The following PTPRD variants were observed in gnomAD, a reference collection of about 807,000 sequenced individuals.
The protein encoded by PTPRD is protein tyrosine phosphatase receptor type D, also known as receptor-type tyrosine-protein phosphatase delta.
In PTPRD, 34 loss-of-function variants were observed where a neutral mutation model predicts 214.5. The observed-to-expected ratio is 0.16, with a 90% CI of 0.12 to 0.21. The LOEUF (loss-of-function observed/expected upper bound fraction) is 0.21. PTPRD is among the 10% of genes least tolerant of loss of function. The pLI, the probability that PTPRD is intolerant of heterozygous loss-of-function variation, is 1.00. For missense variants in PTPRD, 2,545 were observed against 2,398.7 expected (o/e 1.06, Z -1.27); for synonymous variants, 1,128 against 845.7 (o/e 1.33, Z -5.79).
At chr9:8,608,535 ACT>A (rs1564688357) in intron 14 of PTPRD, among the ~76,000 whole-genome samples, 1 of 151,854 alleles carries the variant, frequency 6.6e-6, no homozygotes, top group African/African-American at 2.4e-5. Flanking sequence ...CCACTCAGAG[ACT>A]CTCAGTGTCT....
At chr9:9,832,442 A>G (rs2055196435) in intron 5 of PTPRD, among the ~76,000 whole-genome samples, 1 of 152,040 alleles carries the variant, frequency 6.6e-6, no homozygotes, top group African/African-American at 2.4e-5. Flanking sequence ...TGTAACAGTC[A>G]TAGTCATTTA....
chr9:9,232,485 G>A (rs556000706), intron 9 of PTPRD, among the ~76,000 whole-genome samples: 5 of 152,096 alleles, frequency 3.3e-5, no homozygotes, highest in Admixed American at 2.0e-4. Context: ...ACAAGTACAC[G>A]ATTCCATCAA....
chr9:8,695,575 C>T (rs1429472062), intron 12 of PTPRD, among the ~76,000 whole-genome samples: 2 of 151,916 alleles, frequency 1.3e-5, no homozygotes, highest in Non-Finnish European at 2.9e-5. Context: ...GAGTCATTCT[C>T]ATTGGTAGGT....
At position 8,460,485 on chromosome 9, in the gene PTPRD, C is replaced by T. The variant is rs2096366187; in HGVS notation, c.3801G>A (p.Leu1267=). 1 of 1,613,574 alleles carries T rather than the reference C, an allele frequency of 6.2e-7. No individual in the cohort carries two copies. The highest frequency in any genetic ancestry group is 8.5e-7 in the Non-Finnish European group (1 of 1,179,690). The change falls in exon 33 of 46, where the codon TTG becomes TTA. Residue 1267 remains leucine (L), a synonymous_variant. Coordinates refer to ENST00000381196, the MANE Select transcript of PTPRD (RefSeq NM_002839.4). ...CAAGGACAGGACCTACAACCCAGAT[C>T]AAGCCTTCTTCTTCATCCGTGATTG... The part of the protein sequence containing the change: ...PQPITDEEEG[L]IWVVGPVLAV...
intron 36 of PTPRD, 99 bp from the exon 37 acceptor site, chr9:8,389,506 C>T (rs568413560): frequency 5.8e-6 from 5 of 856,558 alleles, no homozygotes; most frequent in South Asian, 4.1e-5. Context: ...TGTTCCACCT[C>T]ACACTAGAGA....
chr9:9,780,369 A>G (rs1051772759), intron 5 of PTPRD, among the ~76,000 whole-genome samples: 6 of 152,210 alleles, frequency 3.9e-5, no homozygotes, highest in African/African-American at 1.4e-4. Flanking sequence ...CCCTGTATTT[A>G]AAATAAAAGT....
chr9:8,836,283 T>C (rs10124428), intron 11 of PTPRD, among the ~76,000 whole-genome samples: 73,435 of 151,918 alleles, frequency 0.48, 18,397 homozygotes, highest in African/African-American at 0.62. Flanking sequence ...TAAGAGAACA[T>C]TGACAAAGCA....
intron 4 of PTPRD, among the ~76,000 whole-genome samples, chr9:10,006,747 C>T (rs1567048356): frequency 6.6e-6 from 1 of 151,828 alleles, no homozygotes; most frequent in East Asian, 1.9e-4. Flanking sequence ...TTGCTCCAGC[C>T]TATCAATGAA....
In PTPRD at chr9:10,526,888, G is replaced by C. The variant is rs1468412240; in HGVS notation, c.-600+85510C>G. Among the ~76,000 whole-genome samples, 8 of 152,186 alleles carry C rather than the reference G, an allele frequency of 5.3e-5. No individual in the cohort carries two copies. The East Asian group carries it at 1.5e-3, about 29-fold the overall frequency. On this transcript the variant is annotated intron_variant, in intron 2 of 45. Coordinates refer to ENST00000381196, the MANE Select transcript of PTPRD (RefSeq NM_002839.4). ...GCATAATATGTGTCTGTGAGGAAAAGCTTCATTATCTATGTGTTCATCCTC... is the reference window on the plus strand; with the variant it reads ...GCATAATATGTGTCTGTGAGGAAAACCTTCATTATCTATGTGTTCATCCTC...
At chr9:8,793,108 T>A (rs948831615) in intron 11 of PTPRD, among the ~76,000 whole-genome samples, 3 of 152,226 alleles carry the variant, frequency 2.0e-5, no homozygotes, top group African/African-American at 7.2e-5. Flanking sequence ...TGGTTGGCCC[T>A]CAATTATCCC....
intron 10 of PTPRD, among the ~76,000 whole-genome samples, chr9:9,161,730 A>C (rs929071959): frequency 3.3e-5 from 5 of 152,142 alleles, no homozygotes; most frequent in African/African-American, 1.2e-4. Flanking sequence ...AATTATAGAT[A>C]CATTTAAAAT....
chr9:9,951,136 G>A (rs1291034805), intron 4 of PTPRD, among the ~76,000 whole-genome samples: 1 of 152,098 alleles, frequency 6.6e-6, no homozygotes, highest in East Asian at 1.9e-4. Flanking sequence ...GGTGAAATAT[G>A]TATATGTAGC....
At chr9:8,389,207 GA>G in intron 37 of PTPRD, 24 bp downstream of exon 37, 6 of 1,576,612 alleles carry the variant, frequency 3.8e-6, no homozygotes, top group Non-Finnish European at 5.2e-6. Context: ...TTTTTAAAAG[GA>G]AAGAGGTGGA....
intron 9 of PTPRD, among the ~76,000 whole-genome samples, chr9:9,349,381 C>G (rs1490783016): frequency 6.6e-6 from 1 of 152,038 alleles, no homozygotes; most frequent in Non-Finnish European, 1.5e-5. Flanking sequence ...GGACCATAAA[C>G]TGATATTTTG....
At chr9:9,885,128 T>C (rs2153747899) in intron 5 of PTPRD, among the ~76,000 whole-genome samples, 1 of 152,198 alleles carries the variant, frequency 6.6e-6, no homozygotes, top group East Asian at 1.9e-4. Context: ...CTAAGTAGAT[T>C]ACCAGGCAGA....
At chr9:9,562,882 C>G (rs1175704500) in intron 8 of PTPRD, among the ~76,000 whole-genome samples, 2 of 152,122 alleles carry the variant, frequency 1.3e-5, no homozygotes, top group Non-Finnish European at 2.9e-5. Flanking sequence ...ATCACCATCT[C>G]TCCACACTGG....
intron 14 of PTPRD, among the ~76,000 whole-genome samples, chr9:8,590,547 C>A (rs149162984): frequency 1.3e-5 from 2 of 152,170 alleles, no homozygotes; most frequent in Non-Finnish European, 2.9e-5. Flanking sequence ...ACATTTGAAG[C>A]CTGTAGCTAC....
intron 2 of PTPRD, among the ~76,000 whole-genome samples, chr9:10,403,753 T>C (rs112493653): frequency 3.4e-4 from 52 of 151,802 alleles, no homozygotes; most frequent in African/African-American, 1.3e-3. Context: ...ACAAAAAGGC[T>C]ACACACTATA....
At chr9:9,141,442 G>C (rs1349492673) in intron 10 of PTPRD, among the ~76,000 whole-genome samples, 1 of 152,010 alleles carries the variant, frequency 6.6e-6, no homozygotes, top group Non-Finnish European at 1.5e-5. Flanking sequence ...TAGAATGGTA[G>C]CTTCTGTTTT....
Sources: gnomAD v4.1 joint callset for allele counts (sites outside exome capture counted in the v4.1 genomes callset) on GRCh38, gnomAD v4.1.1 for gene constraint, MANE v1.5 for transcripts, NCBI Gene and HGNC (gene_info 2026-07-23, HGNC 2026-07-21) for gene names.